CHODL: variants seen among roughly 807,000 people sequenced by gnomAD.
CHODL encodes the protein chondrolectin.
Under a neutral mutation model 34.5 loss-of-function variants are expected in CHODL, and 29 were observed. The observed-to-expected ratio is 0.84, with a 90% confidence interval of 0.63 to 1.15. The LOEUF is 1.15. Ranked by LOEUF, CHODL falls within the 50% of genes most tolerant of loss-of-function variation. CHODL has a pLI of 0.00. For missense variants in CHODL, 332 were observed against 332.5 expected (o/e 1.00, Z 0.01); for synonymous variants, 125 against 116.1 (o/e 1.08, Z -0.49).
chr21:18,151,308 A>C (rs1237304351), intron 2 of CHODL, among the ~76,000 whole-genome samples: 1 of 152,140 alleles, frequency 6.6e-6, no homozygotes. Context: ...ACAGTTGTCC[A>C]TGCTGCAGTC....
intron 2 of CHODL, among the ~76,000 whole-genome samples, chr21:18,139,243 G>A (rs915957259): frequency 2.0e-5 from 3 of 151,772 alleles, no homozygotes; most frequent in East Asian, 1.9e-4. Context: ...AATTGCAAGC[G>A]GAAGACTGTG....
intron 2 of CHODL, among the ~76,000 whole-genome samples, chr21:18,073,200 T>C (rs1317592840): frequency 1.3e-5 from 2 of 152,150 alleles, no homozygotes; most frequent in African/African-American, 4.8e-5. Context: ...AGACAAAACG[T>C]TAGCAACTTT....
intron 2 of CHODL, among the ~76,000 whole-genome samples, chr21:18,119,223 A>C (rs1207527386): frequency 2.0e-5 from 3 of 151,348 alleles, no homozygotes; most frequent in Non-Finnish European, 4.4e-5. Flanking sequence ...GTGCCCTTTC[A>C]ACCCCTTCCT....
At chr21:18,055,176 GTTC>G (rs2146475028) in intron 2 of CHODL, among the ~76,000 whole-genome samples, 1 of 151,738 alleles carries the variant, frequency 6.6e-6, no homozygotes, top group South Asian at 2.1e-4. Flanking sequence ...TCTTAATTTT[GTTC>G]TTGTTAGTTG....
At chr21:18,020,435 A>G (rs1186962504) in intron 1 of CHODL, among the ~76,000 whole-genome samples, 2 of 152,210 alleles carry the variant, frequency 1.3e-5, no homozygotes, top group African/African-American at 4.8e-5. Flanking sequence ...TATATTAAGC[A>G]TAGTCTATTT....
intron 1 of CHODL, among the ~76,000 whole-genome samples, chr21:17,959,402 C>T (rs778674619): frequency 1.5e-4 from 23 of 152,124 alleles, no homozygotes; most frequent in Non-Finnish European, 2.8e-4. Flanking sequence ...ATTGTGAGGA[C>T]ATAGTTTAAA....
intron 1 of CHODL, among the ~76,000 whole-genome samples, chr21:18,016,093 G>A (rs1220484823): frequency 1.3e-5 from 2 of 152,194 alleles, no homozygotes; most frequent in Non-Finnish European, 2.9e-5. Flanking sequence ...AAGAACAGCC[G>A]AATATTATTG....
chr21:18,065,067 C>A (rs2064714947), intron 2 of CHODL, among the ~76,000 whole-genome samples: 1 of 152,166 alleles, frequency 6.6e-6, no homozygotes, highest in African/African-American at 2.4e-5. Context: ...GGATAGCATT[C>A]ATGGGTAGGC....
At chr21:18,236,301 T>A (rs1041173889) in intron 2 of CHODL, among the ~76,000 whole-genome samples, 1 of 152,098 alleles carries the variant, frequency 6.6e-6, no homozygotes, top group African/African-American at 2.4e-5. Flanking sequence ...ACCGCCTCCA[T>A]GATTCAATTA....
At chr21:17,950,223 G>A (rs1281010619) in intron 1 of CHODL, among the ~76,000 whole-genome samples, 1 of 151,608 alleles carries the variant, frequency 6.6e-6, no homozygotes, top group Non-Finnish European at 1.5e-5. Flanking sequence ...AAAACCCAAG[G>A]AAAAGCAGAC....
At chr21:18,067,120 A>G (rs1331208221) in intron 2 of CHODL, among the ~76,000 whole-genome samples, 1 of 152,208 alleles carries the variant, frequency 6.6e-6, no homozygotes, top group East Asian at 1.9e-4. Flanking sequence ...CCTTGCAGGC[A>G]TTCGCCTCAG....
chr21:18,178,572 A>G (rs1275258060), intron 2 of CHODL, among the ~76,000 whole-genome samples: 1 of 152,208 alleles, frequency 6.6e-6, no homozygotes, highest in Non-Finnish European at 1.5e-5. Flanking sequence ...TGTTACATGT[A>G]TTATATACTG....
intron 2 of CHODL, among the ~76,000 whole-genome samples, chr21:18,137,508 C>A (rs865914721): frequency 5.9e-5 from 9 of 152,260 alleles, no homozygotes; most frequent in Middle Eastern, 3.4e-3. Context: ...CAAGATCTTC[C>A]TAACTTCTCT....
intron 2 of CHODL, among the ~76,000 whole-genome samples, chr21:18,117,670 A>T (rs1486297156): frequency 6.6e-6 from 1 of 151,984 alleles, no homozygotes; most frequent in Non-Finnish European, 1.5e-5. Context: ...AGTTATTGTC[A>T]TTGTGACTTT....
chr21:18,103,246 TTAAGA>T (rs1303953946), intron 2 of CHODL, among the ~76,000 whole-genome samples: 1 of 152,104 alleles, frequency 6.6e-6, no homozygotes, highest in Non-Finnish European at 1.5e-5. Context: ...AAATGAGATG[TTAAGA>T]TAATAAAGAA....
chr21:17,985,757 G>C (rs1426511648), intron 1 of CHODL, among the ~76,000 whole-genome samples: 2 of 152,090 alleles, frequency 1.3e-5, no homozygotes, highest in Non-Finnish European at 2.9e-5. Flanking sequence ...ATAGCTCTTG[G>C]GGAAATAACC....
At chr21:18,044,225 T>A (rs1189806275) in intron 2 of CHODL, among the ~76,000 whole-genome samples, 1 of 152,020 alleles carries the variant, frequency 6.6e-6, no homozygotes, top group Non-Finnish European at 1.5e-5. Context: ...GAAATATATA[T>A]GCATGTATGA....
intron 2 of CHODL, among the ~76,000 whole-genome samples, chr21:18,210,029 T>A (rs538982067): frequency 1.2e-4 from 18 of 152,306 alleles, no homozygotes; most frequent in Middle Eastern, 3.4e-3. Flanking sequence ...CTAAGTCCAC[T>A]GGCTCTGAGC....
At chr21:18,100,544 T>C (rs1291431702) in intron 2 of CHODL, among the ~76,000 whole-genome samples, 2 of 152,234 alleles carry the variant, frequency 1.3e-5, no homozygotes, top group Middle Eastern at 3.4e-3. Flanking sequence ...TAGATAAGTA[T>C]TGGTTTAAGG....
Sources: gnomAD v4.1 joint callset for allele counts (sites outside exome capture counted in the v4.1 genomes callset) on GRCh38, gnomAD v4.1.1 for gene constraint, MANE v1.5 for transcripts, NCBI Gene and HGNC (gene_info 2026-07-23, HGNC 2026-07-21) for gene names.